Variants in TTC4 observed in about 807,000 individuals in gnomAD.
TTC4 encodes tetratricopeptide repeat domain 4.
TTC4 carries 36 observed loss-of-function variants against 51.9 expected under a neutral mutation model. That is an observed-to-expected ratio of 0.69 (90% CI 0.53 to 0.92). The LOEUF (loss-of-function observed/expected upper bound fraction) is 0.92, where lower values mean the gene tolerates loss of function less well. Among genes scored for constraint, TTC4 ranks in the 40% least tolerant of loss-of-function variants. The pLI is 0.00. For synonymous variants in TTC4, 144 were observed against 164.2 expected, an observed-to-expected ratio of 0.88 and a Z score of 0.94; for missense variants, 399 against 454.6, an observed-to-expected ratio of 0.88 and a Z score of 1.11.
chr1:54,717,749 A>T, intron 3 of TTC4, 96 bp downstream of exon 3: 1 of 1,194,500 alleles, frequency 8.4e-7, no homozygotes, highest in Non-Finnish European at 1.1e-6. Flanking sequence ...AGGGGCTGTT[A>T]TCCCAGAAAC....
At chr1:54,722,124 A>G (rs999883450) in intron 4 of TTC4, among the ~76,000 whole-genome samples, 1 of 137,488 alleles carries the variant, frequency 7.3e-6, no homozygotes, top group African/African-American at 2.6e-5. Context: ...ACATGATAAC[A>G]TGAAATTTTT....
intron 6 of TTC4, among the ~76,000 whole-genome samples, chr1:54,730,812 TTTC>T (rs1645856656): frequency 1.3e-5 from 2 of 152,058 alleles, no homozygotes; most frequent in Admixed American, 6.6e-5. Flanking sequence ...TTTTTTATCT[TTTC>T]TGTCCTTTTG....
chr1:54,717,925 G>T (rs1235355287), intron 3 of TTC4, among the ~76,000 whole-genome samples: 1 of 152,146 alleles, frequency 6.6e-6, no homozygotes, highest in Non-Finnish European at 1.5e-5. Flanking sequence ...TGAGATTTTT[G>T]AGCCCAAGGG....
At chr1:54,740,464 A>C (rs555596930) in intron 9 of TTC4, among the ~76,000 whole-genome samples, 2 of 152,100 alleles carry the variant, frequency 1.3e-5, no homozygotes, top group South Asian at 4.1e-4. Flanking sequence ...TCATTTTCTC[A>C]GTTGTTAGCA....
At chr1:54,724,647 A>G (rs1645779319) in intron 5 of TTC4, among the ~76,000 whole-genome samples, 1 of 152,168 alleles carries the variant, frequency 6.6e-6, no homozygotes, top group Non-Finnish European at 1.5e-5. Flanking sequence ...GTAGGCACCT[A>G]CTAACAGCTT....
chr1:54,722,844 A>C, intron 5 of TTC4, 45 bp downstream of exon 5: 1 of 1,580,808 alleles, frequency 6.3e-7, no homozygotes, highest in Non-Finnish European at 8.5e-7. Context: ...AATTAGCAGT[A>C]ATTAGCATTC....
chr1:54,731,694 A>G lies in TTC4; in HGVS notation c.890A>G (p.Asp297Gly). Residue 297 changes from aspartate (D) to glycine (G), a missense_variant, in exon 7 of 10, where the codon GAC becomes GGC. Asp to Gly is a moderately conservative substitution (Grantham distance 94). Coordinates refer to ENST00000371281, the MANE Select transcript of TTC4 (RefSeq NM_004623.5). The stretch of plus-strand genomic sequence containing the variant: ...GACTTCATCTCTGCTTTTCATGAGG[A>G]CTCCAGGTACTGACTTGCCCAGGAG... ...QSDFISAFHE[D>G]SRFIDHLMVM... 1 of 1,613,358 alleles carries G rather than the reference A, an allele frequency of 6.2e-7. No individual in the cohort carries two copies. The highest frequency in any genetic ancestry group is 8.5e-7 in the Non-Finnish European group (1 of 1,179,768).
At chr1:54,731,796 A>T (rs1422671414) in intron 7 of TTC4, 96 bp downstream of exon 7, 1 of 1,209,402 alleles carries the variant, frequency 8.3e-7, no homozygotes, top group East Asian at 2.5e-5. Context: ...AGAAGGGAAG[A>T]TAATGGTTTA....
In TTC4 at chr1:54,728,461, G is replaced by A. The variant is rs1361257490; in HGVS notation, c.681+29G>A. 5 of 1,596,062 alleles carry A rather than the reference G, an allele frequency of 3.1e-6. No individual in the cohort carries two copies. In the South Asian group the frequency reaches 5.6e-5, roughly 18 times the overall value. ...AGTTCTTAAACCTTAGGTTTTTATG[G>A]TCCTGCTAAATCCACTAATCCTGTG... On this transcript the variant is annotated intron_variant, in intron 6 of 9. Transcript: ENST00000371281.
At chr1:54,733,418 CAA>C (rs56941240) in intron 7 of TTC4, among the ~76,000 whole-genome samples, 9,911 of 120,904 alleles carry the variant, frequency 0.082, 423 homozygotes, top group African/African-American at 0.14. Flanking sequence ...GACCCTGTCT[CAA>C]AAAAAAAAAA....
chr1:54,727,068 A>AAAC (rs1645808929), intron 5 of TTC4, among the ~76,000 whole-genome samples: 2 of 150,850 alleles, frequency 1.3e-5, no homozygotes, highest in African/African-American at 5.0e-5. Flanking sequence ...AAAAAAAAAA[A>AAAC]AAACAAAATT....
chr1:54,736,533 A>C (rs1645947357), intron 8 of TTC4, among the ~76,000 whole-genome samples: 1 of 151,822 alleles, frequency 6.6e-6, no homozygotes. Context: ...ACCGTGCCCA[A>C]CTAATTTTTG....
At chr1:54,727,068 A>AAC (rs1553180620) in intron 5 of TTC4, among the ~76,000 whole-genome samples, 17 of 150,950 alleles carry the variant, frequency 1.1e-4, no homozygotes, top group South Asian at 8.3e-4. Context: ...AAAAAAAAAA[A>AAC]AAACAAAATT....
Position 54,722,801 on chromosome 1 carries a change from T to A in TTC4, c.594+2T>A, listed in dbSNP as rs1230237430. ...AGGGCTAAAGCAGACAAGCTGAAGG[T>A]TGGTGACTGTCAGCAACCAATTAGC... is the stretch of plus-strand genomic sequence containing the variant. On this transcript the variant is annotated splice_donor_variant, in intron 5 of 9. Coordinates refer to ENST00000371281, the MANE Select transcript of TTC4 (RefSeq NM_004623.5). LOFTEE classifies it high-confidence loss of function. 6.2e-7 allele frequency: 1 copy of A among 1,612,896 alleles called. No individual in the cohort carries two copies. The highest frequency in any genetic ancestry group is 1.3e-5 in the African/African-American group (1 of 74,834).
chr1:54,724,860 G>C (rs1645782137), intron 5 of TTC4, among the ~76,000 whole-genome samples: 1 of 152,178 alleles, frequency 6.6e-6, no homozygotes, highest in Non-Finnish European at 1.5e-5. Context: ...AAAATGATCA[G>C]AATTCACTTT....
intron 5 of TTC4, among the ~76,000 whole-genome samples, chr1:54,724,146 C>T (rs1173451497): frequency 6.6e-6 from 1 of 152,196 alleles, no homozygotes; most frequent in Non-Finnish European, 1.5e-5. Context: ...TGTCTGAGTA[C>T]AAGCTGATTC....
rs1237635381 is a variant in TTC4, at chr1:54,717,634, A to G, written c.372A>G (p.Ala124=). Residue 124 remains alanine, a synonymous_variant, in exon 3 of 10, where the codon GCA becomes GCG. Transcript: ENST00000371281. ...DLNAVLYTNR[A]AAQYYLGNFR... Reference sequence around the variant, plus strand: ...ATGCTGTCCTTTATACCAACCGGGCAGCAGCACAGTACTATCTGGGTAATT... The same window carrying G: ...ATGCTGTCCTTTATACCAACCGGGCGGCAGCACAGTACTATCTGGGTAATT... 1 of 1,604,674 alleles carries G rather than the reference A, an allele frequency of 6.2e-7. No individual in the cohort carries two copies. The highest frequency in any genetic ancestry group is 8.5e-7 in the Non-Finnish European group (1 of 1,176,804).
At chr1:54,731,001 T>C (rs1645859320) in intron 6 of TTC4, among the ~76,000 whole-genome samples, 1 of 152,168 alleles carries the variant, frequency 6.6e-6, no homozygotes, top group Non-Finnish European at 1.5e-5. Context: ...CTTCTTACCT[T>C]ATATCATCAT....
chr1:54,739,932 T>C (rs1417512642), intron 9 of TTC4, among the ~76,000 whole-genome samples: 1 of 152,210 alleles, frequency 6.6e-6, no homozygotes, highest in Non-Finnish European at 1.5e-5. Flanking sequence ...ATACCTATAA[T>C]TCCAGCATTT....
Sources: gnomAD v4.1 joint callset for allele counts (sites outside exome capture counted in the v4.1 genomes callset) on GRCh38, gnomAD v4.1.1 for gene constraint, MANE v1.5 for transcripts, NCBI Gene and HGNC (gene_info 2026-07-23, HGNC 2026-07-21) for gene names.